Variants in HIVEP3 observed in about 807,000 individuals in gnomAD.
The protein encoded by HIVEP3 is HIVEP zinc finger 3.
A neutral mutation model predicts 152.8 loss-of-function variants in HIVEP3; 49 were observed. The ratio of observed to expected loss-of-function variants is 0.32; its 90% CI spans 0.26 to 0.41. HIVEP3 has a LOEUF of 0.41. Among genes scored for constraint, HIVEP3 ranks in the 10% least tolerant of loss-of-function variants. The pLI, the probability that HIVEP3 is intolerant of heterozygous loss-of-function variation, is 1.00. For synonymous variants in HIVEP3, 1,269 were observed against 1,289.0 expected (o/e 0.98, Z 0.33); for missense variants, 2,790 against 3,103.3 (o/e 0.90, Z 2.40).
At chr1:41,777,007 C>T (rs1055525244) in intron 1 of HIVEP3, among the ~76,000 whole-genome samples, 2 of 152,216 alleles carry the variant, frequency 1.3e-5, no homozygotes, top group Admixed American at 6.5e-5. Flanking sequence ...CACTGGACTT[C>T]AGCCCAGGAC....
chr1:41,593,311 CT>C (rs1644615621), intron 3 of HIVEP3, among the ~76,000 whole-genome samples: 1 of 152,040 alleles, frequency 6.6e-6, no homozygotes, highest in South Asian at 2.1e-4. Flanking sequence ...TGATCTGCGA[CT>C]TGTTTTTTTT....
intron 3 of HIVEP3, among the ~76,000 whole-genome samples, chr1:41,627,837 T>G (rs2149148325): frequency 6.6e-6 from 1 of 152,242 alleles, no homozygotes; most frequent in Non-Finnish European, 1.5e-5. Flanking sequence ...AAGAGTCTGA[T>G]GCAGAGGGCA....
chr1:41,545,770 TCACCACCAC>T, intron 5 of HIVEP3, among the ~76,000 whole-genome samples: 1 of 46,274 alleles, frequency 2.2e-5, no homozygotes, highest in East Asian at 6.1e-4. Flanking sequence ...ACCACTACCA[TCACCACCAC>T]CACCACCACC....
At chr1:41,761,100 C>G (rs1163804551) in intron 1 of HIVEP3, among the ~76,000 whole-genome samples, 1 of 152,258 alleles carries the variant, frequency 6.6e-6, no homozygotes, top group African/African-American at 2.4e-5. Flanking sequence ...ATTACAGGGA[C>G]ATTTGGAAGG....
rs79406831 is a variant in HIVEP3 at position 41,583,900 on chromosome 1, G to C, written c.898C>G (p.Pro300Ala). 1.2e-6 allele frequency: 2 copies of C among 1,613,962 alleles called. No individual in the cohort carries two copies. Among genetic ancestry groups the C allele is most frequent in the Non-Finnish European group, 1.7e-6 (2 of 1,180,000 alleles). Residue 300 changes from proline to alanine, a missense_variant, in exon 4 of 9, where the codon CCA becomes GCA. Pro to Ala is a conservative substitution (Grantham distance 27). Coordinates refer to ENST00000372583, the MANE Select transcript of HIVEP3 (RefSeq NM_024503.5). The surrounding 1 kb of genome is among the most constrained non-coding windows in gnomAD (Gnocchi z 6.9). ...GAGAGAAGGGGCTGCTTGGGTCTTGGGGAGAGCTCTGCAGGGTGACCAGAG... is the reference window on the plus strand; with the variant it reads ...GAGAGAAGGGGCTGCTTGGGTCTTGCGGAGAGCTCTGCAGGGTGACCAGAG... ...ATSGHPAELS[P>A]RPKQPLLSSG...
intron 1 of HIVEP3, among the ~76,000 whole-genome samples, chr1:41,763,789 A>G (rs980307426): frequency 1.3e-5 from 2 of 152,236 alleles, no homozygotes; most frequent in African/African-American, 4.8e-5. Flanking sequence ...GATAACTACA[A>G]TTTGGTGTTT....
At chr1:41,587,773 A>C (rs905621879) in intron 3 of HIVEP3, among the ~76,000 whole-genome samples, 3 of 152,124 alleles carry the variant, frequency 2.0e-5, no homozygotes, top group Non-Finnish European at 4.4e-5. Context: ...GCAGGACTGG[A>C]CCATCCTGTG....
At chr1:41,559,481 C>T (rs17359220) in intron 5 of HIVEP3, among the ~76,000 whole-genome samples, 5,586 of 152,246 alleles carry the variant, frequency 0.037, 153 homozygotes, top group Middle Eastern at 0.1. Flanking sequence ...TCTGTCTCCA[C>T]GGAGGGATGC....
At chr1:42,008,974 T>C (rs1308928910) in intron 1 of HIVEP3, among the ~76,000 whole-genome samples, 1 of 152,194 alleles carries the variant, frequency 6.6e-6, no homozygotes, top group Admixed American at 6.5e-5. Context: ...CTGACTGTGG[T>C]TCCTAGAACT....
At chr1:41,855,405 T>C (rs1022990475) in intron 1 of HIVEP3, among the ~76,000 whole-genome samples, 2 of 151,852 alleles carry the variant, frequency 1.3e-5, no homozygotes, top group African/African-American at 4.8e-5. Context: ...ACCATCAGAG[T>C]GAACAGGCAA....
chr1:41,921,903 A>C (rs191404181), upstream of HIVEP3, among the ~76,000 whole-genome samples: 764 of 152,170 alleles, frequency 5.0e-3, 2 homozygotes, highest in Non-Finnish European at 8.7e-3. Context: ...GCTCTTCCCC[A>C]AAAAGTGCGC....
intron 1 of HIVEP3, among the ~76,000 whole-genome samples, chr1:41,972,096 CACAA>C (rs977025847): frequency 4.4e-4 from 67 of 152,340 alleles, no homozygotes; most frequent in African/African-American, 1.6e-3. Flanking sequence ...ATTATAGCAG[CACAA>C]ACAGAGTAGG....
intron 1 of HIVEP3, among the ~76,000 whole-genome samples, chr1:42,028,038 A>G (rs1451842925): frequency 6.6e-6 from 1 of 152,178 alleles, no homozygotes; most frequent in Admixed American, 6.5e-5. Context: ...CACTTAATTT[A>G]CATCTCTGCT....
intron 1 of HIVEP3, among the ~76,000 whole-genome samples, chr1:41,839,319 T>G (rs1397178380): frequency 1.3e-5 from 2 of 152,202 alleles, no homozygotes; most frequent in Non-Finnish European, 2.9e-5. Flanking sequence ...GAAGAGCCTC[T>G]GGTGGTTTCA....
chr1:41,582,232 G>A lies in HIVEP3; in HGVS notation c.2566C>T (p.Pro856Ser), dbSNP rs1184168993. The change falls in exon 4 of 9, where the codon CCT becomes TCT. Residue 856 changes from proline to serine, a missense_variant. By Grantham distance (74) the Pro-to-Ser change is moderately conservative. Transcript: ENST00000372583. The surrounding 1 kb of genome is among the most constrained non-coding windows in gnomAD (Gnocchi z 4.7). Reference sequence around the variant, plus strand: ...GGCTCCTCAGTTACTAGGATCTCAGGAACCTGAATGTTGGGCTGGCGGACC... The same window carrying A: ...GGCTCCTCAGTTACTAGGATCTCAGAAACCTGAATGTTGGGCTGGCGGACC... Reference protein sequence around the residue: ...KLVRQPNIQVPEILVTEEPDR... With the variant: ...KLVRQPNIQVSEILVTEEPDR... The A allele has an allele frequency of 6.2e-7, 1 of 1,613,936 alleles. No individual in the cohort carries two copies. The highest frequency in any genetic ancestry group is 8.5e-7 in the Non-Finnish European group (1 of 1,179,906).
chr1:41,679,521 C>A (rs950807865), intron 2 of HIVEP3, among the ~76,000 whole-genome samples: 1 of 152,178 alleles, frequency 6.6e-6, no homozygotes. Flanking sequence ...GTCCAGAGAC[C>A]AGTTGCATGC....
chr1:41,932,332 TTAACTA>T (rs1289376015), intron 1 of HIVEP3, among the ~76,000 whole-genome samples: 2 of 151,906 alleles, frequency 1.3e-5, no homozygotes, highest in African/African-American at 2.4e-5. Context: ...TGGAAGGCTT[TTAACTA>T]TAACTTCAAT....
chr1:41,707,137 C>T (rs1422075920), intron 1 of HIVEP3, among the ~76,000 whole-genome samples: 1 of 152,178 alleles, frequency 6.6e-6, no homozygotes, highest in African/African-American at 2.4e-5. Context: ...CCTCAGCTCC[C>T]CCGGGGCTGC....
intron 1 of HIVEP3, among the ~76,000 whole-genome samples, chr1:41,767,560 T>G (rs1648093052): frequency 6.6e-6 from 1 of 152,212 alleles, no homozygotes; most frequent in Admixed American, 6.5e-5. Context: ...GCCTTTGTCC[T>G]GAGGGCCTGG....
Sources: allele counts gnomAD v4.1 joint callset (sites outside exome capture counted in the v4.1 genomes callset), GRCh38; gene constraint gnomAD v4.1.1; non-coding constraint Gnocchi (gnomAD v3.1); transcripts MANE v1.5; gene names NCBI Gene and HGNC (gene_info 2026-07-23, HGNC 2026-07-21).